Variants in PML observed in about 807,000 individuals in gnomAD.
PML encodes PML nuclear body scaffold.
PML carries 28 observed loss-of-function variants against 65.2 expected under a neutral mutation model. The observed-to-expected ratio is 0.43, with a 90% CI of 0.32 to 0.59. PML has a LOEUF of 0.59. Ranked by LOEUF, PML falls within the 20% of genes least tolerant of loss-of-function variation. PML has a pLI of 0.08. For missense variants in PML, 1,021 were observed against 1,203.4 expected (o/e 0.85, Z 2.24); for synonymous variants, 500 against 508.8 (o/e 0.98, Z 0.23).
At chr15:74,006,991 A>G (rs1398566191) in intron 2 of PML, among the ~76,000 whole-genome samples, 1 of 152,182 alleles carries the variant, frequency 6.6e-6, no homozygotes, top group East Asian at 1.9e-4. Flanking sequence ...AACACCTCCC[A>G]CTAGACCCCA....
chr15:74,016,048 G>A (rs2070558800), intron 2 of PML, among the ~76,000 whole-genome samples: 1 of 152,152 alleles, frequency 6.6e-6, no homozygotes, highest in African/African-American at 2.4e-5. Flanking sequence ...GGAGGCCGAG[G>A]TGGGCAGATC....
At position 74,044,473 on chromosome 15, in the gene PML, C is replaced by T. The variant is rs376941681; in HGVS notation, c.2114C>T (p.Ser705Leu). ...NRLWEFQEAI[S>L]GFLAALPLIR... ...CTGTGGGAATTCCAGGAGGCCATCTCGGGCTTCCTGGCTGCCCTGCCTCTC... is the reference window on the plus strand; with the variant it reads ...CTGTGGGAATTCCAGGAGGCCATCTTGGGCTTCCTGGCTGCCCTGCCTCTC... Residue 705 changes from serine (S) to leucine (L), a missense_variant, in exon 9 of 9, where the codon TCG (serine) becomes TTG (leucine). Coordinates refer to ENST00000268058, the MANE Select transcript of PML (RefSeq NM_033238.3). The T allele has an allele frequency of 1.8e-5, 29 of 1,613,952 alleles. No homozygotes were observed. The highest frequency in any genetic ancestry group is 1.1e-4 in the East Asian group (5 of 44,894).
chr15:74,007,889 G>A (rs189265182), intron 2 of PML, among the ~76,000 whole-genome samples: 1 of 152,230 alleles, frequency 6.6e-6, no homozygotes, highest in Non-Finnish European at 1.5e-5. Flanking sequence ...GTTCCGTGCA[G>A]AAGGCTGCAT....
rs769670571 is a variant in PML at position 74,045,469 on chromosome 15, C to CA, written c.*464dup. 2.0e-4 allele frequency: 48 copies of CA among 244,134 alleles called. No homozygotes were observed. Among genetic ancestry groups the CA allele is most frequent in the South Asian group, 4.9e-4 (3 of 6,158 alleles). The allele number at this position is 244,134 out of a possible 1,614,324, so 15.1% of individuals were successfully genotyped here. ...ACAGCCCTGGCAGCCCATGGCAACT[C>CA]AAAGTGCCTTCCAAACCAAACTGCC... On this transcript the variant is annotated 3_prime_UTR_variant, in exon 9 of 9. Transcript: ENST00000268058.
At position 74,022,941 on chromosome 15, in the gene PML, A is replaced by C. The variant is rs745581079; in HGVS notation, c.716A>C (p.Glu239Ala). The C allele has an allele frequency of 1.2e-6, 2 of 1,611,870 alleles. No individual in the cohort carries two copies. Among genetic ancestry groups the C allele is most frequent in the Admixed American group, 1.7e-5 (1 of 59,720 alleles). Residue 239 changes from glutamate to alanine, a missense_variant, in exon 3 of 9, where the codon GAG becomes GCG. Glu to Ala is a moderately radical substitution (Grantham distance 107, BLOSUM62 -1). Coordinates refer to ENST00000268058, the MANE Select transcript of PML (RefSeq NM_033238.3). ...ISAEIQQRQE[E>A]LDAMTQALQE... ...GCAGAGATCCAGCAGCGACAGGAGG[A>C]GCTGGACGCCATGACGCAGGCGCTG...
rs368679910 is a variant in PML at position 74,035,490 on chromosome 15, C to G, written c.1710+960C>G. ...TCGCCATGCCCTCCGCTTGCACCCT[C>G]AATTGCATCGGGCCCCTATTCGGAC... On this transcript the variant is annotated intron_variant, in intron 7 of 8. Transcript: ENST00000268058. The surrounding 1 kb of genome is among the most constrained non-coding windows in gnomAD (Gnocchi z 4.1). 29 of 1,612,282 alleles carry G rather than the reference C, an allele frequency of 1.8e-5. No homozygotes were observed. In the African/African-American group the frequency reaches 3.7e-4, roughly 21 times the overall value.
At position 74,047,388 on chromosome 15, in the gene PML, A is replaced by G. The variant is rs930504777; in HGVS notation, c.*2380A>G. 4.3e-6 allele frequency: 1 copy of G among 230,668 alleles called. No individual in the cohort carries two copies. 14.3% of individuals were successfully genotyped at this position (230,668 alleles called of 1,614,324 possible). ...ATCAGTGCCACCACCCTTGACCCCA[A>G]CTACCATCCCAGATGCCCAGATTCC... is the stretch of plus-strand genomic sequence containing the variant. On this transcript the variant is annotated 3_prime_UTR_variant, in exon 9 of 9. Transcript: ENST00000268058.
In PML at chr15:74,022,817, T is replaced by C; in HGVS notation, c.603-11T>C. ...AGAGTCCTAACCCAGGCCAACCTTG[T>C]GTGTCCACAGCATCTACTGCCGAGG... On this transcript the variant is annotated splice_polypyrimidine_tract_variant and intron_variant, in intron 2 of 8. Coordinates refer to ENST00000268058, the MANE Select transcript of PML (RefSeq NM_033238.3). The C allele has an allele frequency of 6.2e-7, 1 of 1,612,694 alleles. No homozygotes were observed. Among genetic ancestry groups the C allele is most frequent in the African/African-American group, 1.3e-5 (1 of 75,034 alleles).
intron 7 of PML, chr15:74,034,874 A>T (rs2071474255): frequency 6.3e-6 from 9 of 1,437,202 alleles, no homozygotes; most frequent in Middle Eastern, 2.6e-4. Flanking sequence ...ACAAGAATCC[A>T]TTCCTTGGTT....
rs561194227 is a variant in PML, at chr15:74,037,967, T to C, written c.1710+3437T>C. On this transcript the variant is annotated intron_variant, in intron 7 of 8. Transcript: ENST00000268058. This position sits in a 1 kb window ranked among gnomAD's most constrained non-coding sequence, Gnocchi z 4.2. ...ATGGATGCCCATAGGTACCTCAAACTCAGCACCTTCTCCTCCCGTCTCACT... is the reference window on the plus strand; with the variant it reads ...ATGGATGCCCATAGGTACCTCAAACCCAGCACCTTCTCCTCCCGTCTCACT... 3.4e-4 allele frequency among the ~76,000 whole-genome samples: 52 copies of C among 152,116 alleles called. 1 individual carries two copies. The South Asian group carries it at 0.01, about 30-fold the overall frequency.
At position 74,042,995 on chromosome 15, in the gene PML, C is replaced by T. The variant is rs778493023; in HGVS notation, c.1717C>T (p.Arg573Ter). Residue 573 changes from arginine to a stop codon, truncating the protein, a stop_gained, in exon 8 of 9, where the codon CGA becomes TGA. Transcript: ENST00000268058. LOFTEE classifies it high-confidence loss of function. The surrounding 1 kb of genome is among the most constrained non-coding windows in gnomAD (Gnocchi z 5.3). ...EDSDAENSSSRELDDSSSESS... is the reference protein window; with the variant it reads ...EDSDAENSSS The stretch of plus-strand genomic sequence containing the variant: ...TGGTTTTTCTGTGTTGCAGTCCTCC[C>T]GAGAGCTGGATGACAGCAGCAGTGA... 1.7e-5 allele frequency: 28 copies of T among 1,613,640 alleles called. No individual in the cohort carries two copies. Among genetic ancestry groups the T allele is most frequent in the East Asian group, 2.2e-5 (1 of 44,822 alleles).
intron 2 of PML, among the ~76,000 whole-genome samples, chr15:74,012,802 A>AT (rs1244720032): frequency 6.9e-6 from 1 of 143,922 alleles, no homozygotes; most frequent in Non-Finnish European, 1.5e-5. Context: ...TGAGCTCTTA[A>AT]TTGGATAGAT....
rs1211826029 is a variant in PML, at chr15:74,044,448, C to T, written c.2089C>T (p.Leu697=). ...FFRALEDINR[L]WEFQEAISGF... ...CCGGGCCCTGGAGGACATTAACAGGCTGTGGGAATTCCAGGAGGCCATCTC... is the reference window on the plus strand; with the variant it reads ...CCGGGCCCTGGAGGACATTAACAGGTTGTGGGAATTCCAGGAGGCCATCTC... The change falls in exon 9 of 9, where the codon CTG becomes TTG. Residue 697 remains leucine, a synonymous_variant. Transcript: ENST00000268058. The T allele has an allele frequency of 6.2e-7, 1 of 1,614,058 alleles. No individual in the cohort carries two copies. The highest frequency in any genetic ancestry group is 8.5e-7 in the Non-Finnish European group (1 of 1,180,026).
chr15:74,013,731 A>C (rs983894969), intron 2 of PML, among the ~76,000 whole-genome samples: 1 of 152,196 alleles, frequency 6.6e-6, no homozygotes, highest in Admixed American at 6.5e-5. Context: ...ACATGGCTTT[A>C]ATTAATTGAT....
In PML at chr15:74,047,610, C is replaced by G. The variant is rs1484247566; in HGVS notation, c.*2602C>G. 1 of 211,376 alleles carries G rather than the reference C, an allele frequency of 4.7e-6. No individual in the cohort carries two copies. Among genetic ancestry groups the G allele is most frequent in the East Asian group, 7.1e-5 (1 of 14,112 alleles). 13.1% of individuals were successfully genotyped at this position (211,376 alleles called of 1,614,324 possible). On this transcript the variant is annotated 3_prime_UTR_variant, in exon 9 of 9. Coordinates refer to ENST00000268058, the MANE Select transcript of PML (RefSeq NM_033238.3). ...GTGGCCCTCTTTGGCACATTAACCT[C>G]CCTCCTTGATCCTCAGGCTGCACCT...
chr15:74,040,079 T>C (rs1322938311), intron 7 of PML, among the ~76,000 whole-genome samples: 1 of 152,154 alleles, frequency 6.6e-6, no homozygotes, highest in Non-Finnish European at 1.5e-5. Flanking sequence ...TGCATGTATA[T>C]CCTGAAAAAA....
intron 3 of PML, 41 bp downstream of exon 3, chr15:74,023,449 G>A (rs1441434844): frequency 6.7e-7 from 1 of 1,494,880 alleles, no homozygotes; most frequent in African/African-American, 1.4e-5. Flanking sequence ...CTGTGCCTCT[G>A]CTGCACCCTA....
chr15:74,040,975 C>T (rs897730756), intron 7 of PML, among the ~76,000 whole-genome samples: 3 of 152,138 alleles, frequency 2.0e-5, no homozygotes, highest in African/African-American at 7.2e-5. Context: ...GAGGGGTGGC[C>T]TAAAGAGACA....
chr15:74,019,656 TAC>T (rs1254813127), intron 2 of PML, among the ~76,000 whole-genome samples: 1 of 152,214 alleles, frequency 6.6e-6, no homozygotes, highest in Non-Finnish European at 1.5e-5. Context: ...TAGCATCTGA[TAC>T]ACACATTTCT....
Sources: gnomAD v4.1 joint callset for allele counts (sites outside exome capture counted in the v4.1 genomes callset) on GRCh38, gnomAD v4.1.1 for gene constraint, Gnocchi (gnomAD v3.1) non-coding constraint, MANE v1.5 for transcripts, NCBI Gene and HGNC (gene_info 2026-07-23, HGNC 2026-07-21) for gene names.